Variants in IL1RAPL2 observed in about 807,000 individuals in gnomAD.
The protein encoded by IL1RAPL2 is X-linked interleukin-1 receptor accessory protein-like 2.
IL1RAPL2 carries 3 observed loss-of-function variants against 44.1 expected under a neutral mutation model. The observed-to-expected ratio is 0.07, with a 90% CI of 0.03 to 0.18. The LOEUF (loss-of-function observed/expected upper bound fraction) is 0.18. Among genes scored for constraint, IL1RAPL2 ranks in the 10% least tolerant of loss-of-function variants. The probability of loss-of-function intolerance (pLI) is 1.00; values close to 1 mark genes in which losing one functional copy is unlikely to be tolerated. For synonymous variants in IL1RAPL2, 181 were observed against 178.8 expected (o/e 1.01, Z -0.10); for missense variants, 391 against 496.4 (o/e 0.79, Z 2.02).
At position 104,582,576 on chromosome X, in the gene IL1RAPL2, C is replaced by T. The variant is rs754579141; in HGVS notation, c.-20+15525C>T. 1.8e-4 allele frequency among the ~76,000 whole-genome samples: 10 copies of T among 54,517 alleles called. No individual in the cohort carries two copies. The South Asian group carries it at 4.9e-3, about 27-fold the overall frequency. 47.3% of individuals were successfully genotyped at this position (54,517 alleles called of 115,157 possible). On this transcript the variant is annotated intron_variant, in intron 1 of 10. Transcript: ENST00000372582. Reference sequence around the variant, plus strand: ...CCTTCCTCCTTTCTCCTCTTTCTTTCTTTTTCTTTCTTTCTTTCTTTTTCT... The same window carrying T: ...CCTTCCTCCTTTCTCCTCTTTCTTTTTTTTTCTTTCTTTCTTTCTTTTTCT...
intron 5 of IL1RAPL2, among the ~76,000 whole-genome samples, chrX:105,288,868 C>T (rs933415846): frequency 1.6e-4 from 18 of 110,308 alleles, no homozygotes; most frequent in African/African-American, 5.6e-4. Context: ...ATTCTTATAT[C>T]CCAACCTTAA....
rs1212485903 is a variant in IL1RAPL2 at position 104,610,670 on chromosome X, G to A, written c.-20+43619G>A. On this transcript the variant is annotated intron_variant, in intron 1 of 10. Coordinates refer to ENST00000372582, the MANE Select transcript of IL1RAPL2 (RefSeq NM_017416.2). Reference sequence around the variant, plus strand: ...AAGAACATTCCATGCTCATGGGCAGGAAGAATCAATATCTTGAAAATGGCC... The same window carrying A: ...AAGAACATTCCATGCTCATGGGCAGAAAGAATCAATATCTTGAAAATGGCC... Among the ~76,000 whole-genome samples the A allele has an allele frequency of 4.5e-5, 5 of 111,771 alleles. No homozygotes were observed. The Admixed American group carries it at 4.7e-4, about 11-fold the overall frequency.
At chrX:105,535,613 A>G (rs2036671355) in intron 6 of IL1RAPL2, among the ~76,000 whole-genome samples, 1 of 112,119 alleles carries the variant, frequency 8.9e-6, no homozygotes, top group African/African-American at 3.2e-5. Flanking sequence ...AACGAAAAGG[A>G]GCAAAATATA....
chrX:105,109,576 T>C (rs1257218645), intron 2 of IL1RAPL2, among the ~76,000 whole-genome samples: 1 of 111,848 alleles, frequency 8.9e-6, no homozygotes, highest in Admixed American at 9.5e-5. Context: ...AGAAAGTACA[T>C]TCATGGTTGC....
intron 2 of IL1RAPL2, among the ~76,000 whole-genome samples, chrX:104,875,628 C>A (rs750675927): frequency 9.0e-6 from 1 of 111,427 alleles, no homozygotes; most frequent in South Asian, 3.8e-4. Flanking sequence ...CTTTTCCCCC[C>A]ACAGATATAT....
At chrX:104,672,824 G>A (rs1368636222) in intron 2 of IL1RAPL2, among the ~76,000 whole-genome samples, 1 of 111,036 alleles carries the variant, frequency 9.0e-6, no homozygotes, top group Admixed American at 9.5e-5. Flanking sequence ...TTGTGGTTTT[G>A]ATTTGCATTT....
intron 6 of IL1RAPL2, among the ~76,000 whole-genome samples, chrX:105,596,835 C>A (rs1348063099): frequency 9.0e-6 from 1 of 111,378 alleles, no homozygotes; most frequent in Non-Finnish European, 1.9e-5. Flanking sequence ...CATTAAAGAC[C>A]TAAAAGTAAG....
At chrX:104,678,177 C>T (rs1352068604) in intron 2 of IL1RAPL2, among the ~76,000 whole-genome samples, 1 of 112,548 alleles carries the variant, frequency 8.9e-6, no homozygotes, top group Non-Finnish European at 1.9e-5. Context: ...CATGGAATTA[C>T]AAAAAGCCTT....
chrX:104,824,920 A>T (rs1196619441), intron 2 of IL1RAPL2, among the ~76,000 whole-genome samples: 1 of 111,106 alleles, frequency 9.0e-6, no homozygotes, highest in South Asian at 3.7e-4. Context: ...CTTTTTTTCA[A>T]ATCACACTAT....
intron 2 of IL1RAPL2, among the ~76,000 whole-genome samples, chrX:104,950,616 G>C (rs990094230): frequency 1.8e-5 from 2 of 112,899 alleles, no homozygotes; most frequent in African/African-American, 3.2e-5. Flanking sequence ...TGCTAGCAAT[G>C]AGCGATACTC....
At chrX:105,642,303 T>A (rs573153180) in intron 6 of IL1RAPL2, among the ~76,000 whole-genome samples, 30 of 112,100 alleles carry the variant, frequency 2.7e-4, no homozygotes, top group African/African-American at 9.4e-4. Flanking sequence ...ACTTCCCAAG[T>A]AATATACAGA....
intron 2 of IL1RAPL2, among the ~76,000 whole-genome samples, chrX:104,728,338 CATG>C (rs1931837647): frequency 9.0e-6 from 1 of 111,059 alleles, no homozygotes; most frequent in African/African-American, 3.3e-5. Flanking sequence ...AAGCCAGATG[CATG>C]AAGCAATGGT....
chrX:105,368,786 TTCTC>T (rs1377717905), intron 5 of IL1RAPL2, among the ~76,000 whole-genome samples: 1 of 111,133 alleles, frequency 9.0e-6, no homozygotes, highest in Non-Finnish European at 1.9e-5. Flanking sequence ...TTCTGTTCCT[TTCTC>T]TCCTCCTTCG....
At chrX:104,802,318 C>A (rs181680359) in intron 2 of IL1RAPL2, among the ~76,000 whole-genome samples, 45 of 99,956 alleles carry the variant, frequency 4.5e-4, no homozygotes, top group Non-Finnish European at 7.8e-4. Flanking sequence ...GCACTCCAGC[C>A]TGGGTGACAG....
chrX:105,099,550 C>T (rs7051467), intron 2 of IL1RAPL2, among the ~76,000 whole-genome samples: 7,219 of 100,477 alleles, frequency 0.072, 755 homozygotes, highest in African/African-American at 0.25. Context: ...CTGCAAGCTC[C>T]GCCTCCCGGG....
chrX:104,593,374 T>G (rs1028474), intron 1 of IL1RAPL2, among the ~76,000 whole-genome samples: 18,421 of 111,548 alleles, frequency 0.17, 3,755 homozygotes, highest in African/African-American at 0.57. Flanking sequence ...GGAGAAACCA[T>G]TGCTAGAAAG....
chrX:105,663,178 G>A (rs2037732994), intron 6 of IL1RAPL2, among the ~76,000 whole-genome samples: 1 of 111,809 alleles, frequency 8.9e-6, no homozygotes, highest in South Asian at 3.7e-4. Context: ...AAAACTAGGA[G>A]ATGAATTGCT....
intron 5 of IL1RAPL2, among the ~76,000 whole-genome samples, chrX:105,351,991 A>C (rs2035159241): frequency 9.0e-6 from 1 of 111,545 alleles, no homozygotes; most frequent in South Asian, 3.8e-4. Flanking sequence ...TCTGTTGTCC[A>C]GGCTGGACTG....
intron 2 of IL1RAPL2, among the ~76,000 whole-genome samples, chrX:104,844,511 A>T (rs189270392): frequency 9.0e-5 from 10 of 110,747 alleles, no homozygotes; most frequent in African/African-American, 3.3e-4. Flanking sequence ...GGGTTATCCA[A>T]TTTTTTTGCT....
Sources: gnomAD v4.1 joint callset for allele counts (sites outside exome capture counted in the v4.1 genomes callset) on GRCh38, gnomAD v4.1.1 for gene constraint, MANE v1.5 for transcripts, NCBI Gene and HGNC (gene_info 2026-07-23, HGNC 2026-07-21) for gene names.